LHX8: variants seen among roughly 807,000 people sequenced by gnomAD.
LHX8 encodes the protein LIM/homeobox protein Lhx8.
LHX8 carries 12 observed loss-of-function variants against 40.3 expected under a neutral mutation model. The ratio of observed to expected loss-of-function variants is 0.30; its 90% CI spans 0.19 to 0.48. The LOEUF (loss-of-function observed/expected upper bound fraction) is 0.48, where lower values mean the gene tolerates loss of function less well. Ranked by LOEUF, LHX8 falls within the 20% of genes least tolerant of loss-of-function variation. LHX8 has a pLI of 0.99. For missense variants in LHX8, 344 were observed against 433.7 expected, an observed-to-expected ratio of 0.79 and a Z score of 1.84; for synonymous variants, 179 against 162.0, an observed-to-expected ratio of 1.10 and a Z score of -0.80.
At chr1:75,193,998 C>T in the LHX8 span, among the ~76,000 whole-genome samples, 19 of 152,254 alleles carry the variant, frequency 1.2e-4, no homozygotes, top group Admixed American at 8.5e-4. Context: ...CCCATCAGAC[C>T]AAGGGCTGCT....
At chr1:75,147,335 A>G (rs1002864470) in intron 6 of LHX8, among the ~76,000 whole-genome samples, 3 of 152,144 alleles carry the variant, frequency 2.0e-5, no homozygotes, top group African/African-American at 4.8e-5. Context: ...TTTTCCTTAC[A>G]TTGCCAAGTT....
chr1:75,163,356 G>A (rs1648968142), downstream of LHX8, among the ~76,000 whole-genome samples: 1 of 152,130 alleles, frequency 6.6e-6, no homozygotes, highest in Non-Finnish European at 1.5e-5. Context: ...AAACTAGGTG[G>A]CATATTGGGA....
chr1:75,131,069 G>A (rs1257489226), upstream of LHX8: 5 of 413,852 alleles, frequency 1.2e-5, no homozygotes, highest in Non-Finnish European at 1.8e-5. Context: ...GGAAAGCTCG[G>A]GTCCGCAAGA....
At chr1:75,155,014 T>A (rs1280856373) in intron 7 of LHX8, among the ~76,000 whole-genome samples, 1 of 152,172 alleles carries the variant, frequency 6.6e-6, no homozygotes, top group Non-Finnish European at 1.5e-5. Flanking sequence ...CTTCCTTTTA[T>A]TTCACATTAA....
At chr1:75,171,177 C>T in the LHX8 span, among the ~76,000 whole-genome samples, 1 of 151,976 alleles carries the variant, frequency 6.6e-6, no homozygotes, top group Non-Finnish European at 1.5e-5. Flanking sequence ...TTTGTTTACA[C>T]CAAAATTCCT....
chr1:75,137,344 C>A, intron 3 of LHX8, 83 bp downstream of exon 3: 3 of 1,390,414 alleles, frequency 2.2e-6, no homozygotes, highest in Non-Finnish European at 3.0e-6. Context: ...TTCCTCCCAC[C>A]AACCTTTCCG....
At chr1:75,162,749 A>G (rs1174309598), downstream of LHX8, among the ~76,000 whole-genome samples, 1 of 152,176 alleles carries the variant, frequency 6.6e-6, no homozygotes, top group Non-Finnish European at 1.5e-5. Flanking sequence ...TAAAAATATG[A>G]TATGTGATAG....
At position 75,136,619 on chromosome 1, in the gene LHX8, CAGA is replaced by C. The variant is rs1648143124; in HGVS notation, c.6_8del (p.Glu4del). On this transcript the variant is annotated inframe_deletion, in exon 2 of 9. Coordinates refer to ENST00000356261, the MANE Select transcript of LHX8 (RefSeq NM_001256114.2). ...ACTCCGCAGTGTCAGGGGCTCATGT[CAGA>C]GGAGTGCGGGCGGACTACAGCCCTG... 6.5e-7 allele frequency: 1 copy of C among 1,550,020 alleles called. No homozygotes were observed. The highest frequency in any genetic ancestry group is 8.7e-7 in the Non-Finnish European group (1 of 1,146,688).
At chr1:75,197,908 G>A in the LHX8 span, among the ~76,000 whole-genome samples, 1 of 152,138 alleles carries the variant, frequency 6.6e-6, no homozygotes, top group African/African-American at 2.4e-5. Flanking sequence ...TAATTTTGAA[G>A]CCTATGATCA....
At chr1:75,131,080 G>A (rs1647947659), upstream of LHX8, 1 of 394,766 alleles carries the variant, frequency 2.5e-6, no homozygotes, top group African/African-American at 2.0e-5. Context: ...GTCCGCAAGA[G>A]CAGGGCTCTG....
At chr1:75,174,959 C>A in the LHX8 span, among the ~76,000 whole-genome samples, 1 of 152,136 alleles carries the variant, frequency 6.6e-6, no homozygotes, top group Non-Finnish European at 1.5e-5. Context: ...TTATCCCTCA[C>A]CCCCTCCTAC....
the LHX8 span, among the ~76,000 whole-genome samples, chr1:75,184,523 A>G: frequency 6.6e-6 from 1 of 152,160 alleles, no homozygotes; most frequent in Non-Finnish European, 1.5e-5. Context: ...ACTAACTTTG[A>G]GGTAAATAAT....
At chr1:75,131,005 ACT>A, upstream of LHX8, 1 of 518,220 alleles carries the variant, frequency 1.9e-6, no homozygotes, top group East Asian at 3.4e-5. Flanking sequence ...CCTATGGCCC[ACT>A]GTACCCTTGG....
the LHX8 span, among the ~76,000 whole-genome samples, chr1:75,191,615 A>G: frequency 6.6e-6 from 1 of 152,182 alleles, no homozygotes; most frequent in East Asian, 1.9e-4. Context: ...AAGGGAAAAC[A>G]CAGTTAAGAG....
At chr1:75,191,254 G>A in the LHX8 span, among the ~76,000 whole-genome samples, 3 of 152,234 alleles carry the variant, frequency 2.0e-5, no homozygotes, top group South Asian at 6.2e-4. Context: ...TTGACAAGAA[G>A]GAAAGGGATC....
At chr1:75,167,518 C>T in the LHX8 span, among the ~76,000 whole-genome samples, 1 of 152,168 alleles carries the variant, frequency 6.6e-6, no homozygotes, top group African/African-American at 2.4e-5. Context: ...TCATCCAGGA[C>T]CAAGCTCAAA....
At chr1:75,142,812 T>G (rs1648352232) in intron 4 of LHX8, among the ~76,000 whole-genome samples, 1 of 152,152 alleles carries the variant, frequency 6.6e-6, no homozygotes, top group Non-Finnish European at 1.5e-5. Context: ...AATTTATAAA[T>G]GCACTGATAT....
chr1:75,136,261 G>A (rs1557485206), intron 1 of LHX8, among the ~76,000 whole-genome samples: 1 of 151,948 alleles, frequency 6.6e-6, no homozygotes, highest in Non-Finnish European at 1.5e-5. Flanking sequence ...TATGATTGAC[G>A]TCTGGAAAGA....
chr1:75,186,382 G>T, the LHX8 span, among the ~76,000 whole-genome samples: 1 of 151,962 alleles, frequency 6.6e-6, no homozygotes, highest in Non-Finnish European at 1.5e-5. Flanking sequence ...CCAGAAATAA[G>T]GCTGCACACC....
Sources: allele counts gnomAD v4.1 joint callset (sites outside exome capture counted in the v4.1 genomes callset), GRCh38; gene constraint gnomAD v4.1.1; transcripts MANE v1.5; gene names NCBI Gene and HGNC (gene_info 2026-07-23, HGNC 2026-07-21).